Variants in ZC3H12D observed in about 807,000 individuals in gnomAD.
ZC3H12D encodes probable ribonuclease ZC3H12D.
ZC3H12D carries 11 observed loss-of-function variants against 24.2 expected under a neutral mutation model. That is an observed-to-expected ratio of 0.46 (90% confidence interval 0.29 to 0.75). The LOEUF (loss-of-function observed/expected upper bound fraction) is 0.75, where lower values mean the gene tolerates loss of function less well. Among genes scored for constraint, ZC3H12D ranks in the 30% least tolerant of loss-of-function variants. The pLI, the probability that ZC3H12D is intolerant of heterozygous loss-of-function variation, is 0.11. For missense variants in ZC3H12D, 740 were observed against 767.7 expected (o/e 0.96, Z 0.43); for synonymous variants, 333 against 341.8 (o/e 0.97, Z 0.28).
chr6:149,451,522 G>A, intron 5 of ZC3H12D, 43 bp from the exon 6 acceptor site: 3 of 1,477,722 alleles, frequency 2.0e-6, no homozygotes, highest in Non-Finnish European at 2.7e-6. Context: ...TGAGGCCCGG[G>A]GGCGCGGAGG....
At position 149,452,603 on chromosome 6, in the gene ZC3H12D, G is replaced by A. The variant is rs1261317620; in HGVS notation, c.787+13C>T. 1 of 1,544,652 alleles carries A rather than the reference G, an allele frequency of 6.5e-7. No homozygotes were observed. The highest frequency in any genetic ancestry group is 8.7e-7 in the Non-Finnish European group (1 of 1,147,922). On this transcript the variant is annotated intron_variant, in intron 5 of 5. Coordinates refer to ENST00000409806, the MANE Select transcript of ZC3H12D (RefSeq NM_207360.3). This position sits in a 1 kb window ranked among gnomAD's most constrained non-coding sequence, Gnocchi z 4.0. ...CCCTGAACAGGGCCTGCGAAGCACT[G>A]GGCCCTACCCACCATAAGGACAATG... is the stretch of plus-strand genomic sequence containing the variant.
At chr6:149,455,406 G>A (rs140531309) in intron 4 of ZC3H12D, among the ~76,000 whole-genome samples, 4 of 152,326 alleles carry the variant, frequency 2.6e-5, no homozygotes, top group African/African-American at 4.8e-5. Context: ...CTAAAACCAC[G>A]TTCCAAAAAG....
intron 3 of ZC3H12D, among the ~76,000 whole-genome samples, chr6:149,460,420 G>A (rs550595165): frequency 7.7e-4 from 118 of 152,346 alleles, no homozygotes; most frequent in Non-Finnish European, 1.3e-3. Context: ...TTCTGACCGT[G>A]CCTGGTGGCT....
In ZC3H12D at chr6:149,452,177, G is replaced by C. The variant is rs1368990474; in HGVS notation, c.787+439C>G. 6.1e-6 allele frequency: 1 copy of C among 163,008 alleles called. No individual in the cohort carries two copies. Among genetic ancestry groups the C allele is most frequent in the East Asian group, 1.8e-4 (1 of 5,638 alleles). The allele number at this position is 163,008 out of a possible 1,614,324, so 10.1% of individuals were successfully genotyped here. A position where few individuals can be genotyped will look rare whatever the true frequency, so the allele number is the denominator to read the frequency against. ...AGCAAGTCAGTGAAAGAGCTGGCTA[G>C]AAGGCTGGCATCCCCCAGGGTGCTG... On this transcript the variant is annotated intron_variant, in intron 5 of 5. Coordinates refer to ENST00000409806, the MANE Select transcript of ZC3H12D (RefSeq NM_207360.3). This position sits in a 1 kb window ranked among gnomAD's most constrained non-coding sequence, Gnocchi z 4.0.
chr6:149,457,017 G>C (rs1006568886), intron 3 of ZC3H12D, 117 bp from the exon 4 acceptor site: 1 of 1,017,612 alleles, frequency 9.8e-7, no homozygotes, highest in Non-Finnish European at 1.4e-6. Flanking sequence ...TGAGGGGAGC[G>C]GGGAAAAAAC....
chr6:149,470,346 T>C (rs940540055), intron 2 of ZC3H12D, among the ~76,000 whole-genome samples: 4 of 151,854 alleles, frequency 2.6e-5, no homozygotes, highest in Non-Finnish European at 5.9e-5. Context: ...GGCAACACAG[T>C]GAGACTGTCT....
At chr6:149,465,765 AAG>A (rs754489886) in intron 2 of ZC3H12D, among the ~76,000 whole-genome samples, 2,381 of 121,022 alleles carry the variant, frequency 0.02, 74 homozygotes, top group African/African-American at 0.09. Flanking sequence ...AAAAAAAAAA[AAG>A]GGGGGGGGAA....
At chr6:149,461,789 A>G in intron 3 of ZC3H12D, 42 bp downstream of exon 3, 1 of 1,524,968 alleles carries the variant, frequency 6.6e-7, no homozygotes, top group South Asian at 1.2e-5. Context: ...CACCAAGGAA[A>G]CGTGTCTAGT....
In ZC3H12D at chr6:149,456,893, G is replaced by A; in HGVS notation, c.453C>T (p.His151=). 1 of 1,599,496 alleles carries A rather than the reference G, an allele frequency of 6.3e-7. No individual in the cohort carries two copies. The highest frequency in any genetic ancestry group is 8.5e-7 in the Non-Finnish European group (1 of 1,176,962). Residue 151 remains histidine (H), a synonymous_variant, in exon 4 of 6, where the codon CAC becomes CAT. Transcript: ENST00000409806. This position sits in a 1 kb window ranked among gnomAD's most constrained non-coding sequence, Gnocchi z 4.3. ...CCTGCCGCTCCAGCTCCGCCAGCAC[G>A]TGCTGCTCTGAGGGCGGGGCGACGG... ...PRADTPIREQ[H]VLAELERQAV...
In ZC3H12D at chr6:149,450,674, G is replaced by A; in HGVS notation, c.*9C>T. 1 of 1,512,156 alleles carries A rather than the reference G, an allele frequency of 6.6e-7. No individual in the cohort carries two copies. The highest frequency in any genetic ancestry group is 8.9e-7 in the Non-Finnish European group (1 of 1,126,938). The allele number at this position is 1,512,156 out of a possible 1,614,324, so 93.7% of individuals were successfully genotyped here. A position where few individuals can be genotyped will look rare whatever the true frequency, so the allele number is the denominator to read the frequency against. On this transcript the variant is annotated 3_prime_UTR_variant, in exon 6 of 6. Coordinates refer to ENST00000409806, the MANE Select transcript of ZC3H12D (RefSeq NM_207360.3). Reference sequence around the variant, plus strand: ...GCTGGGCCATTCCCTGCAAGTGCGTGTTGGTCCCTTAGGGCTTGCCCAGGG... The same window carrying A: ...GCTGGGCCATTCCCTGCAAGTGCGTATTGGTCCCTTAGGGCTTGCCCAGGG...
At position 149,451,205 on chromosome 6, in the gene ZC3H12D, G is replaced by T. The variant is rs531990813; in HGVS notation, c.1062C>A (p.Asp354Glu). 2.2e-4 allele frequency: 284 copies of T among 1,310,134 alleles called. 4 individuals carry two copies. In the East Asian group the frequency reaches 6.6e-3, roughly 31 times the overall value. The allele number at this position is 1,310,134 out of a possible 1,614,324, so 81.2% of individuals were successfully genotyped here. Residue 354 changes from aspartate (D) to glutamate (E), a missense_variant, in exon 6 of 6, where the codon GAC (aspartate) becomes GAA (glutamate). Coordinates refer to ENST00000409806, the MANE Select transcript of ZC3H12D (RefSeq NM_207360.3). ...GSFSRLAFSDDLGPLGPPLPV... is the reference protein window; with the variant it reads ...GSFSRLAFSDELGPLGPPLPV... The stretch of plus-strand genomic sequence containing the variant: ...GGAGAGGCGGCCCCAGGGGCCCCAG[G>T]TCGTCGCTGAAGGCCAGCCGAGAGA...
At position 149,469,319 on chromosome 6, in the gene ZC3H12D, G is replaced by A. The variant is rs1232313744; in HGVS notation, c.305+4920C>T. ...AAAAGTACAAAAAAATTAGCTGGAC[G>A]TGGTGGCGGGCACCTGTAGTCCCAG... is the stretch of plus-strand genomic sequence containing the variant. On this transcript the variant is annotated intron_variant, in intron 2 of 5. Transcript: ENST00000409806. Among the ~76,000 whole-genome samples, 4 of 152,178 alleles carry A rather than the reference G, an allele frequency of 2.6e-5. No individual in the cohort carries two copies. In the South Asian group the frequency reaches 8.3e-4, roughly 32 times the overall value.
chr6:149,456,978 C>T lies in ZC3H12D; in HGVS notation c.446-78G>A. The T allele has an allele frequency of 2.8e-6, 4 of 1,416,924 alleles. No individual in the cohort carries two copies. The highest frequency in any genetic ancestry group is 3.8e-6 in the Non-Finnish European group (4 of 1,040,952). 87.8% of individuals were successfully genotyped at this position (1,416,924 alleles called of 1,614,324 possible). A position where few individuals can be genotyped will look rare whatever the true frequency, so the allele number is the denominator to read the frequency against. On this transcript the variant is annotated intron_variant, in intron 3 of 5. Transcript: ENST00000409806. This position sits in a 1 kb window ranked among gnomAD's most constrained non-coding sequence, Gnocchi z 4.3. ...AGAACCACCCCCAACGCGAGGCCAC[C>T]CGCTTCCCGGGCCGGTCAGATGAGG...
At chr6:149,473,742 T>C (rs1343334748) in intron 2 of ZC3H12D, among the ~76,000 whole-genome samples, 1 of 152,082 alleles carries the variant, frequency 6.6e-6, no homozygotes, top group Non-Finnish European at 1.5e-5. Flanking sequence ...CCTCTGATGC[T>C]CATAACCTTG....
Position 149,447,646 on chromosome 6 carries a change from A to C in ZC3H12D, c.*3037T>G, listed in dbSNP as rs1775806364. 1 of 152,184 alleles carries C rather than the reference A, an allele frequency of 6.6e-6. No individual in the cohort carries two copies. The highest frequency in any genetic ancestry group is 2.1e-4 in the South Asian group (1 of 4,836). The allele number at this position is 152,184 out of a possible 1,614,324, so 9.4% of individuals were successfully genotyped here. On this transcript the variant is annotated 3_prime_UTR_variant, in exon 6 of 6. Transcript: ENST00000409806. ...ATCCAGGTGTGGTAAAAAATGATTT[A>C]TTTTTGAAGCATGGTTAACAGCTAT...
At position 149,461,270 on chromosome 6, in the gene ZC3H12D, G is replaced by C. The variant is rs181067558; in HGVS notation, c.445+561C>G. 5.7e-3 allele frequency among the ~76,000 whole-genome samples: 864 copies of C among 151,948 alleles called. 7 individuals carry two copies. Among genetic ancestry groups the C allele is most frequent in the Non-Finnish European group, 7.9e-3 (536 of 67,964 alleles). On this transcript the variant is annotated intron_variant, in intron 3 of 5. Transcript: ENST00000409806. ...GCAGGAGAATCACTTGAACCCGGGA[G>C]GAGGAGGTTGCAGTGAGCCGAGATC...
rs1255229189 is a variant in ZC3H12D at position 149,450,688 on chromosome 6, G to T, written c.1579C>A (p.Pro527Thr). 4 of 1,527,660 alleles carry T rather than the reference G, an allele frequency of 2.6e-6. No homozygotes were observed. The highest frequency in any genetic ancestry group is 3.5e-6 in the Non-Finnish European group (4 of 1,135,284). 94.6% of individuals were successfully genotyped at this position (1,527,660 alleles called of 1,614,324 possible). Residue 527 changes from proline (P) to threonine (T), a missense_variant, in exon 6 of 6, where the codon CCC becomes ACC. Transcript: ENST00000409806. ...CQSAGAPLGK[P>T] is the part of the protein sequence containing the mutation. ...TGCAAGTGCGTGTTGGTCCCTTAGG[G>T]CTTGCCCAGGGGCGCCCCCGCGCTC...
intron 2 of ZC3H12D, among the ~76,000 whole-genome samples, chr6:149,469,874 G>A (rs1394908536): frequency 1.3e-5 from 2 of 152,136 alleles, no homozygotes; most frequent in African/African-American, 4.8e-5. Context: ...GCCAGAGCCC[G>A]CCTCTGGGTC....
At chr6:149,475,218 T>C (rs2115012606) in intron 1 of ZC3H12D, among the ~76,000 whole-genome samples, 1 of 150,840 alleles carries the variant, frequency 6.6e-6, no homozygotes, top group East Asian at 2.0e-4. Context: ...CAGTCTGTGG[T>C]GCTTTGCTCT....
Sources: allele counts gnomAD v4.1 joint callset (sites outside exome capture counted in the v4.1 genomes callset), GRCh38; gene constraint gnomAD v4.1.1; non-coding constraint Gnocchi (gnomAD v3.1); transcripts MANE v1.5; gene names NCBI Gene and HGNC (gene_info 2026-07-23, HGNC 2026-07-21).